GJA5: variants seen among roughly 807,000 people sequenced by gnomAD.
GJA5 encodes the protein gap junction alpha-5 protein.
Under a neutral mutation model 7.9 loss-of-function variants are expected in GJA5, and 3 were observed. The observed-to-expected ratio is 0.38, with a 90% CI of 0.17 to 0.99. GJA5 has a LOEUF of 0.99. Ranked by LOEUF, GJA5 falls within the 50% of genes least tolerant of loss-of-function variation. GJA5 has a pLI of 0.38. For missense variants in GJA5, 390 were observed against 457.9 expected, an observed-to-expected ratio of 0.85 and a Z score of 1.35; for synonymous variants, 193 against 181.0, an observed-to-expected ratio of 1.07 and a Z score of -0.53.
At chr1:147,768,372 GATAA>G (rs1557949743) in intron 1 of GJA5, among the ~76,000 whole-genome samples, 2 of 152,288 alleles carry the variant, frequency 1.3e-5, no homozygotes, top group African/African-American at 4.8e-5. Context: ...TTCGTGCTAG[GATAA>G]ATAATTTTCT....
Position 147,770,251 on chromosome 1 carries a change from C to T in GJA5, c.-34+3001G>A, listed in dbSNP as rs587738201. The stretch of plus-strand genomic sequence containing the variant: ...TGTGATCCTAGACAAGATATTTCCC[C>T]TCCCTGAGCCTCACTTTGCTCACAT... On this transcript the variant is annotated intron_variant, in intron 1 of 1. Coordinates refer to the GJA5 transcript ENST00000430508. 1.9e-3 allele frequency among the ~76,000 whole-genome samples: 282 copies of T among 152,276 alleles called. 3 individuals carry two copies. In the South Asian group the frequency reaches 0.029, roughly 16 times the overall value.
At chr1:147,771,837 G>A (rs1200848266) in intron 1 of GJA5, among the ~76,000 whole-genome samples, 2 of 152,210 alleles carry the variant, frequency 1.3e-5, no homozygotes, top group African/African-American at 4.8e-5. Flanking sequence ...AGGGGAGCAG[G>A]CTCCAAACAG....
chr1:147,768,299 C>A (rs143825166), intron 1 of GJA5, among the ~76,000 whole-genome samples: 1 of 152,148 alleles, frequency 6.6e-6, no homozygotes, highest in Non-Finnish European at 1.5e-5. Context: ...CTCAGAGACA[C>A]CCTGCTGGCA....
rs587649438 is a variant in GJA5 at position 147,759,781 on chromosome 1, GAGAA to G, written c.-33-514_-33-511del. On this transcript the variant is annotated intron_variant, in intron 1 of 1. Coordinates refer to ENST00000579774, the MANE Select transcript of GJA5 (RefSeq NM_181703.4). ...AATGGGGATGGGAATAGCTACACCA[GAGAA>G]TTCTGAGGATTAAATGATATGAGGT... Among the ~76,000 whole-genome samples, 15 of 152,342 alleles carry G rather than the reference GAGAA, an allele frequency of 9.8e-5. No homozygotes were observed. In the East Asian group the frequency reaches 2.9e-3, roughly 29 times the overall value.
chr1:147,756,581 T>A lies in GJA5; in HGVS notation c.*1581A>T, dbSNP rs1051304328. The A allele has an allele frequency of 6.6e-6, 1 of 152,182 alleles. No homozygotes were observed. Among genetic ancestry groups the A allele is most frequent in the Non-Finnish European group, 1.5e-5 (1 of 68,052 alleles). 9.4% of individuals were successfully genotyped at this position (152,182 alleles called of 1,614,324 possible). A position where few individuals can be genotyped will look rare whatever the true frequency, so the allele number is the denominator to read the frequency against. On this transcript the variant is annotated 3_prime_UTR_variant, in exon 2 of 2. Transcript: ENST00000579774. ...CTCCTCTGTCCCAACCTCTTGTGGC[T>A]ATCTGTTTAGGTTAATAACTGCCAG...
Position 147,756,849 on chromosome 1 carries a change from A to C in GJA5, c.*1313T>G, listed in dbSNP as rs1359727116. 6.6e-6 allele frequency: 1 copy of C among 152,208 alleles called. No individual in the cohort carries two copies. Among genetic ancestry groups the C allele is most frequent in the Admixed American group, 6.5e-5 (1 of 15,284 alleles). The allele number at this position is 152,208 out of a possible 1,614,324, so 9.4% of individuals were successfully genotyped here. On this transcript the variant is annotated 3_prime_UTR_variant, in exon 2 of 2. Coordinates refer to ENST00000579774, the MANE Select transcript of GJA5 (RefSeq NM_181703.4). The stretch of plus-strand genomic sequence containing the variant: ...CAGAGACCAGGCCAATCCCTGGGGA[A>C]GGCAAGGCTTTTCTACAGCCCCCAC...
At position 147,757,554 on chromosome 1, in the gene GJA5, G is replaced by A. The variant is rs36005900; in HGVS notation, c.*608C>T. Reference sequence around the variant, plus strand: ...GCCAGAGGTACATACCAAGGCATTTGTAAAGCTGAGGCTGCTGGTAAAGTT... The same window carrying A: ...GCCAGAGGTACATACCAAGGCATTTATAAAGCTGAGGCTGCTGGTAAAGTT... On this transcript the variant is annotated 3_prime_UTR_variant, in exon 2 of 2. Coordinates refer to ENST00000579774, the MANE Select transcript of GJA5 (RefSeq NM_181703.4). 22,898 of 160,052 alleles carry A rather than the reference G, an allele frequency of 0.14. 2,234 individuals are homozygous for A. The highest frequency in any genetic ancestry group is 0.22 in the Non-Finnish European group (15,566 of 72,054). 9.9% of individuals were successfully genotyped at this position (160,052 alleles called of 1,614,324 possible).
intron 1 of GJA5, 45 bp from the exon 2 acceptor site, chr1:147,759,316 C>G: frequency 1.0e-6 from 1 of 970,098 alleles, no homozygotes; most frequent in East Asian, 2.4e-5. Flanking sequence ...GAAGGATGTT[C>G]TGTGAAGGTC....
Position 147,757,776 on chromosome 1 carries a change from A to C in GJA5, c.*386T>G, listed in dbSNP as rs113012133. On this transcript the variant is annotated 3_prime_UTR_variant, in exon 2 of 2. Coordinates refer to ENST00000579774, the MANE Select transcript of GJA5 (RefSeq NM_181703.4). ...TGGAGGAGGGAGGGTGATCAGGTCA[A>C]GGAGGTAGGAACTTAGAGAACGCAT... 30 of 281,984 alleles carry C rather than the reference A, an allele frequency of 1.1e-4. 1 individual carries two copies. Among genetic ancestry groups the C allele is most frequent in the Middle Eastern group, 1.2e-3 (1 of 818 alleles). 17.5% of individuals were successfully genotyped at this position (281,984 alleles called of 1,614,324 possible).
chr1:147,767,912 C>T (rs767149347), intron 1 of GJA5, among the ~76,000 whole-genome samples: 1 of 152,194 alleles, frequency 6.6e-6, no homozygotes, highest in Non-Finnish European at 1.5e-5. Context: ...TCATTGAGAT[C>T]ATTGTTCGGA....
chr1:147,760,007 G>C (rs1427541572), intron 1 of GJA5, among the ~76,000 whole-genome samples: 1 of 152,148 alleles, frequency 6.6e-6, no homozygotes, highest in Non-Finnish European at 1.5e-5. Context: ...GCTGTGTTGG[G>C]AGGTGGCAAA....
intron 1 of GJA5, among the ~76,000 whole-genome samples, chr1:147,768,788 A>G (rs1664299159): frequency 6.6e-6 from 1 of 152,216 alleles, no homozygotes; most frequent in Non-Finnish European, 1.5e-5. Flanking sequence ...TCACTGATGA[A>G]AAAACTGAGG....
intron 1 of GJA5, among the ~76,000 whole-genome samples, chr1:147,760,261 C>T (rs1553227246): frequency 6.6e-6 from 1 of 152,152 alleles, no homozygotes; most frequent in African/African-American, 2.4e-5. Context: ...CAAAATCCTC[C>T]CTCATCTGGC....
Position 147,758,950 on chromosome 1 carries a change from T to C in GJA5, c.289A>G (p.Met97Val), listed in dbSNP as rs781866205. The change falls in exon 2 of 2, where the codon ATG becomes GTG. Residue 97 changes from methionine to valine, a missense_variant. By Grantham distance (21) the Met-to-Val change is conservative (BLOSUM62 1). Coordinates refer to ENST00000579774, the MANE Select transcript of GJA5 (RefSeq NM_181703.4). ...TPSLVYMGHAMHTVRMQEKRK... is the reference protein window; with the variant it reads ...TPSLVYMGHAVHTVRMQEKRK... Reference sequence around the variant, plus strand: ...TTCTCCTGCATGCGCACAGTGTGCATGGCGTGGCCCATGTACACCAGAGAG... The same window carrying C: ...TTCTCCTGCATGCGCACAGTGTGCACGGCGTGGCCCATGTACACCAGAGAG... 6.2e-7 allele frequency: 1 copy of C among 1,614,222 alleles called. No homozygotes were observed. Among genetic ancestry groups the C allele is most frequent in the Non-Finnish European group, 8.5e-7 (1 of 1,180,032 alleles).
intron 1 of GJA5, among the ~76,000 whole-genome samples, chr1:147,767,314 C>A (rs1358078356): frequency 6.6e-6 from 1 of 151,924 alleles, no homozygotes; most frequent in African/African-American, 2.4e-5. Context: ...TTCTATGTGC[C>A]AGACACTCTA....
rs35083633 is a variant in GJA5, at chr1:147,767,954, T to C, written c.-34+5298A>G. On this transcript the variant is annotated intron_variant, in intron 1 of 1. Transcript: ENST00000430508. ...GTTGATTGTAGGTGACTGGTGCTAA[T>C]TCTTACATTTAGGATTTTCATTCTT... is the stretch of plus-strand genomic sequence containing the variant. Among the ~76,000 whole-genome samples, 1,130 of 152,348 alleles carry C rather than the reference T, an allele frequency of 7.4e-3. 46 individuals carry two copies. Among genetic ancestry groups the C allele is most frequent in the Admixed American group, 0.066 (1,016 of 15,302 alleles).
Position 147,757,997 on chromosome 1 carries a change from C to A in GJA5, c.*165G>T. On this transcript the variant is annotated 3_prime_UTR_variant, in exon 2 of 2. Transcript: ENST00000579774. ...TGTCACCTCTCTTACTATCCCAGAGCCCTGGTTATAGTTTCTAGAATTAAT... is the reference window on the plus strand; with the variant it reads ...TGTCACCTCTCTTACTATCCCAGAGACCTGGTTATAGTTTCTAGAATTAAT... The A allele has an allele frequency of 1.6e-6, 1 of 640,274 alleles. No homozygotes were observed. Among genetic ancestry groups the A allele is most frequent in the Non-Finnish European group, 2.8e-6 (1 of 359,738 alleles). 39.7% of individuals were successfully genotyped at this position (640,274 alleles called of 1,614,324 possible). A position where few individuals can be genotyped will look rare whatever the true frequency, so the allele number is the denominator to read the frequency against.
intron 1 of GJA5, among the ~76,000 whole-genome samples, chr1:147,767,075 G>A (rs1664230007): frequency 6.6e-6 from 1 of 152,140 alleles, no homozygotes; most frequent in Non-Finnish European, 1.5e-5. Flanking sequence ...ATTAATTTGT[G>A]TACATGTTTT....
At chr1:147,759,761 G>T (rs2148959816) in intron 1 of GJA5, among the ~76,000 whole-genome samples, 1 of 152,318 alleles carries the variant, frequency 6.6e-6, no homozygotes, top group Non-Finnish European at 1.5e-5. Context: ...TATCGAATGG[G>T]GATGGGAATA....
Sources: gnomAD v4.1 joint callset for allele counts (sites outside exome capture counted in the v4.1 genomes callset) on GRCh38, gnomAD v4.1.1 for gene constraint, MANE v1.5 for transcripts, NCBI Gene and HGNC (gene_info 2026-07-23, HGNC 2026-07-21) for gene names.